Variants in COX7A2 observed in about 807,000 individuals in gnomAD.
The protein encoded by COX7A2 is cytochrome c oxidase subunit 7A2, mitochondrial.
COX7A2 carries 11 observed loss-of-function variants against 11.6 expected under a neutral mutation model. The observed-to-expected ratio is 0.95, with a 90% CI of 0.60 to 1.57. The LOEUF is 1.57. Among genes scored for constraint, COX7A2 ranks in the 40% most tolerant of loss-of-function variants. The pLI, the probability that COX7A2 is intolerant of heterozygous loss-of-function variation, is 0.00. For synonymous variants in COX7A2, 30 were observed against 38.2 expected, an observed-to-expected ratio of 0.78 and a Z score of 0.79; for missense variants, 106 against 100.9, an observed-to-expected ratio of 1.05 and a Z score of -0.22.
upstream of COX7A2, among the ~76,000 whole-genome samples, chr6:75,244,910 T>C (rs1016415981): frequency 2.0e-5 from 3 of 152,188 alleles, no homozygotes; most frequent in Admixed American, 1.3e-4. Context: ...CCTGGTTTTC[T>C]ACACCCCTCT....
Position 75,243,784 on chromosome 6 carries a change from A to T in COX7A2, c.-50T>A, listed in dbSNP as rs1054655274. Reference sequence around the variant, plus strand: ...GCCACAACTGAACACCACCAACGAAAATGGCCACGCCGGAACCGGAACTAC... The same window carrying T: ...GCCACAACTGAACACCACCAACGAATATGGCCACGCCGGAACCGGAACTAC... On this transcript the variant is annotated 5_prime_UTR_variant, in exon 1 of 4. Transcript: ENST00000684430. 2 of 1,613,984 alleles carry T rather than the reference A, an allele frequency of 1.2e-6. No homozygotes were observed. The highest frequency in any genetic ancestry group is 1.7e-6 in the Non-Finnish European group (2 of 1,179,992).
At position 75,241,225 on chromosome 6, in the gene COX7A2, G is replaced by C; in HGVS notation, c.59C>G (p.Ser20Cys). ...AACTTTATTTTTAAAATGCCTGCGG[G>C]AAGCAGTGCTTATCGTCCTCTGCCC... is the stretch of plus-strand genomic sequence containing the variant. ...QIGQRTISTA[S>C]RRHFKNKVPE... is the part of the protein sequence containing the mutation. Residue 20 changes from serine (S) to cysteine (C), a missense_variant, in exon 2 of 4, where the codon TCC becomes TGC. Ser to Cys is a moderately radical substitution (Grantham distance 112, BLOSUM62 -1). Transcript: ENST00000684430. 1 of 1,594,412 alleles carries C rather than the reference G, an allele frequency of 6.3e-7. No individual in the cohort carries two copies. Among genetic ancestry groups the C allele is most frequent in the Non-Finnish European group, 8.6e-7 (1 of 1,165,394 alleles).
chr6:75,243,802 G>A (rs2149512830), upstream of COX7A2: 1 of 1,614,072 alleles, frequency 6.2e-7, no homozygotes. Flanking sequence ...CGCCGGAACC[G>A]GAACTACCTC....
chr6:75,247,342 TGC>T (rs1183859488), upstream of COX7A2, among the ~76,000 whole-genome samples: 3 of 152,200 alleles, frequency 2.0e-5, no homozygotes, highest in African/African-American at 7.2e-5. Context: ...TGTGTGTGTG[TGC>T]GTACACACAT....
intron 2 of COX7A2, 123 bp from the exon 3 acceptor site, chr6:75,240,508 A>C: frequency 1.6e-6 from 1 of 625,544 alleles, no homozygotes; most frequent in South Asian, 2.6e-5. Flanking sequence ...AAGTATTTTA[A>C]GTATTAAAAT....
chr6:75,245,334 A>G (rs1380684060), upstream of COX7A2, among the ~76,000 whole-genome samples: 2 of 152,176 alleles, frequency 1.3e-5, no homozygotes, highest in Non-Finnish European at 2.9e-5. Context: ...TACTAAAAAT[A>G]CAAAAAATAA....
chr6:75,243,859 G>A (rs761081276), upstream of COX7A2: 6 of 1,601,938 alleles, frequency 3.7e-6, no homozygotes, highest in Admixed American at 3.3e-5. Context: ...CCGGGCCGAA[G>A]AGAGGCTTGC....
At chr6:75,247,737 G>C (rs1335509382), upstream of COX7A2, among the ~76,000 whole-genome samples, 1 of 151,832 alleles carries the variant, frequency 6.6e-6, no homozygotes. Flanking sequence ...GGTCTGGGGA[G>C]TCCTGCCCTA....
chr6:75,240,998 C>G (rs1330462901), intron 2 of COX7A2, 178 bp downstream of exon 2: 1 of 665,602 alleles, frequency 1.5e-6, no homozygotes, highest in Non-Finnish European at 2.3e-6. Context: ...TGCTCTGCTC[C>G]ACCAGGTCTT....
chr6:75,244,521 C>T (rs1771638309), upstream of COX7A2, among the ~76,000 whole-genome samples: 2 of 152,156 alleles, frequency 1.3e-5, no homozygotes, highest in Admixed American at 1.3e-4. Context: ...AGAAGCACAG[C>T]AATTATTTGT....
chr6:75,238,979 T>C (rs1413936923), intron 3 of COX7A2, among the ~76,000 whole-genome samples: 1 of 151,944 alleles, frequency 6.6e-6, no homozygotes, highest in Non-Finnish European at 1.5e-5. Flanking sequence ...CACACCCGAC[T>C]CATTTTTGTG....
At chr6:75,249,649 G>A (rs1325598778) in intron 1 of COX7A2, among the ~76,000 whole-genome samples, 2 of 152,206 alleles carry the variant, frequency 1.3e-5, no homozygotes, top group African/African-American at 4.8e-5. Flanking sequence ...CATTTGCAAA[G>A]GCAAAGAAGA....
chr6:75,241,323 T>C, intron 1 of COX7A2, 58 bp from the exon 2 acceptor site: 1 of 1,374,024 alleles, frequency 7.3e-7, no homozygotes, highest in South Asian at 1.8e-5. Flanking sequence ...CAAAACCAAC[T>C]ATTTTCAGTC....
At chr6:75,244,554 C>T (rs1022225070), upstream of COX7A2, among the ~76,000 whole-genome samples, 2 of 152,104 alleles carry the variant, frequency 1.3e-5, no homozygotes, top group African/African-American at 4.8e-5. Context: ...CTGTCGGTGT[C>T]ATCCATTTTG....
intron 1 of COX7A2, among the ~76,000 whole-genome samples, chr6:75,242,811 T>C (rs1771551703): frequency 6.6e-6 from 1 of 150,918 alleles, no homozygotes; most frequent in South Asian, 2.1e-4. Flanking sequence ...AGAGTGAGAC[T>C]ACGTCTCAAA....
chr6:75,238,901 C>T (rs1247732009), intron 3 of COX7A2, among the ~76,000 whole-genome samples: 2 of 151,776 alleles, frequency 1.3e-5, no homozygotes, highest in South Asian at 2.1e-4. Flanking sequence ...CTGCAACCTC[C>T]GCCTACCAGT....
At chr6:75,241,006 C>G in intron 2 of COX7A2, 170 bp downstream of exon 2, 2 of 761,644 alleles carry the variant, frequency 2.6e-6, no homozygotes, top group Non-Finnish European at 3.8e-6. Context: ...TCCACCAGGT[C>G]TTTCCCCAAG....
upstream of COX7A2, among the ~76,000 whole-genome samples, chr6:75,244,280 T>C (rs982039573): frequency 6.6e-6 from 1 of 152,226 alleles, no homozygotes; most frequent in Non-Finnish European, 1.5e-5. Context: ...GTTCCTTGTG[T>C]TGAGAATATG....
Position 75,243,768 on chromosome 6 carries a change from G to A in COX7A2, c.-34C>T, listed in dbSNP as rs370057500. 26 of 1,613,884 alleles carry A rather than the reference G, an allele frequency of 1.6e-5. No homozygotes were observed. Among genetic ancestry groups the A allele is most frequent in the East Asian group, 4.5e-5 (2 of 44,882 alleles). ...TTACTGACCAGCAACCGCCACAACTGAACACCACCAACGAAAATGGCCACG... is the reference window on the plus strand; with the variant it reads ...TTACTGACCAGCAACCGCCACAACTAAACACCACCAACGAAAATGGCCACG... On this transcript the variant is annotated 5_prime_UTR_variant, in exon 1 of 4. Transcript: ENST00000684430.
Sources: gnomAD v4.1 joint callset for allele counts (sites outside exome capture counted in the v4.1 genomes callset) on GRCh38, gnomAD v4.1.1 for gene constraint, MANE v1.5 for transcripts, NCBI Gene and HGNC (gene_info 2026-07-23, HGNC 2026-07-21) for gene names.